Variants in AGAP1 observed in about 807,000 individuals in gnomAD.
The protein encoded by AGAP1 is ArfGAP with GTPase domain, ankyrin repeat and PH domain 1, also known as arf-GAP with GTPase, ANK repeat and PH domain-containing protein 1.
AGAP1 carries 29 observed loss-of-function variants against 105.3 expected under a neutral mutation model. The observed-to-expected ratio is 0.28, with a 90% CI of 0.21 to 0.38. AGAP1 has a LOEUF of 0.38. Among genes scored for constraint, AGAP1 ranks in the 10% least tolerant of loss-of-function variants. AGAP1 has a pLI of 1.00. For missense variants in AGAP1, 998 were observed against 1,165.1 expected, an observed-to-expected ratio of 0.86 and a Z score of 2.09; for synonymous variants, 509 against 485.9, an observed-to-expected ratio of 1.05 and a Z score of -0.63.
chr2:235,538,066 A>G (rs1238662469), intron 1 of AGAP1, among the ~76,000 whole-genome samples: 1 of 152,232 alleles, frequency 6.6e-6, no homozygotes, highest in Non-Finnish European at 1.5e-5. Context: ...ATAAAAGCCA[A>G]ATCTCAGCTT....
chr2:236,099,632 G>A (rs972865390), intron 16 of AGAP1, among the ~76,000 whole-genome samples: 2 of 152,026 alleles, frequency 1.3e-5, no homozygotes, highest in African/African-American at 4.8e-5. Context: ...CTCACTATAT[G>A]GTTTTTTATT....
In AGAP1 at chr2:235,931,394, G is replaced by A. The variant is rs1040504594; in HGVS notation, c.1483+471G>A. Among the ~76,000 whole-genome samples the A allele has an allele frequency of 5.9e-5, 9 of 152,094 alleles. No homozygotes were observed. Among genetic ancestry groups the A allele is most frequent in the Non-Finnish European group, 1.0e-4 (7 of 68,020 alleles). Reference sequence around the variant, plus strand: ...TTCCTGGTGTACCCTCTAAATTCTGGAGTCCCCTTTGTAATCCTTCAGTTT... The same window carrying A: ...TTCCTGGTGTACCCTCTAAATTCTGAAGTCCCCTTTGTAATCCTTCAGTTT... On this transcript the variant is annotated intron_variant, in intron 12 of 17. Coordinates refer to ENST00000304032, the MANE Select transcript of AGAP1 (RefSeq NM_001037131.3). The surrounding 1 kb of genome is among the most constrained non-coding windows in gnomAD (Gnocchi z 5.6).
At chr2:236,006,413 G>T (rs981946610) in intron 13 of AGAP1, among the ~76,000 whole-genome samples, 7 of 152,254 alleles carry the variant, frequency 4.6e-5, no homozygotes, top group African/African-American at 1.7e-4. Context: ...GCCATTTCTT[G>T]GTTCTCTTGG....
At chr2:235,671,564 C>T (rs1177020951) in intron 1 of AGAP1, among the ~76,000 whole-genome samples, 1 of 152,180 alleles carries the variant, frequency 6.6e-6, no homozygotes, top group African/African-American at 2.4e-5. Flanking sequence ...CAGCTGACTC[C>T]GTGGCCCTCG....
At chr2:235,909,609 A>G (rs191403415) in intron 11 of AGAP1, among the ~76,000 whole-genome samples, 9 of 152,300 alleles carry the variant, frequency 5.9e-5, no homozygotes, top group African/African-American at 2.2e-4. Context: ...GAGCCCTCCC[A>G]TAAACACACA....
At position 235,970,134 on chromosome 2, in the gene AGAP1, G is replaced by A. The variant is rs1369278460; in HGVS notation, c.1645+1511G>A. ...GGAGCATTGATTGAACCCAGGAGGT[G>A]GAGGTTGCAGTGAACCGAGACCATG... On this transcript the variant is annotated intron_variant, in intron 13 of 17. Coordinates refer to ENST00000304032, the MANE Select transcript of AGAP1 (RefSeq NM_001037131.3). This position sits in a 1 kb window ranked among gnomAD's most constrained non-coding sequence, Gnocchi z 5.4. Among the ~76,000 whole-genome samples, 2 of 151,356 alleles carry A rather than the reference G, an allele frequency of 1.3e-5. No individual in the cohort carries two copies. The highest frequency in any genetic ancestry group is 4.9e-5 in the African/African-American group (2 of 41,108).
Position 235,621,872 on chromosome 2 carries a change from G to A in AGAP1, c.164-87307G>A, listed in dbSNP as rs905870832. The stretch of plus-strand genomic sequence containing the variant: ...CTGCAGTTGGGTAGGAGTGGAGGAG[G>A]GGTGCGATCGGAAGGGAGTGCCGCG... On this transcript the variant is annotated intron_variant, in intron 1 of 17. Transcript: ENST00000304032. The surrounding 1 kb of genome is among the most constrained non-coding windows in gnomAD (Gnocchi z 4.1). Among the ~76,000 whole-genome samples, 5 of 151,092 alleles carry A rather than the reference G, an allele frequency of 3.3e-5. No homozygotes were observed. The highest frequency in any genetic ancestry group is 2.0e-4 in the East Asian group (1 of 5,026).
intron 9 of AGAP1, among the ~76,000 whole-genome samples, chr2:235,846,495 T>C (rs1961508637): frequency 9.7e-6 from 1 of 103,376 alleles, no homozygotes; most frequent in Non-Finnish European, 2.2e-5. Context: ...CCTGGCTAAT[T>C]TTTGGTTTTT....
At chr2:235,800,250 C>G (rs1292766346) in intron 8 of AGAP1, among the ~76,000 whole-genome samples, 1 of 151,750 alleles carries the variant, frequency 6.6e-6, no homozygotes. Context: ...AGGCACTCAC[C>G]ACTACGTGTG....
rs868582130 is a variant in AGAP1, at chr2:235,869,484, C to G, written c.1051-13861C>G. 3.4e-5 allele frequency among the ~76,000 whole-genome samples: 5 copies of G among 148,558 alleles called. No individual in the cohort carries two copies. The Middle Eastern group carries it at 0.015, about 434-fold the overall frequency. On this transcript the variant is annotated intron_variant, in intron 9 of 17. Coordinates refer to ENST00000304032, the MANE Select transcript of AGAP1 (RefSeq NM_001037131.3). ...GGCGTGACGGCAGGTGCCTGTAATC[C>G]CAGCTACTCAGGAGGCTGAGGCAGG...
At chr2:235,932,065 C>T (rs1411921465) in intron 12 of AGAP1, among the ~76,000 whole-genome samples, 1 of 152,210 alleles carries the variant, frequency 6.6e-6, no homozygotes, top group Non-Finnish European at 1.5e-5. Flanking sequence ...TCTGGAATCA[C>T]GATGATAACC....
At chr2:235,795,439 C>T (rs116917503) in intron 6 of AGAP1, among the ~76,000 whole-genome samples, 2 of 152,178 alleles carry the variant, frequency 1.3e-5, no homozygotes, top group South Asian at 4.1e-4. Flanking sequence ...ACAAAGGAGT[C>T]CTTTCCCCTT....
rs1420807536 is a variant in AGAP1 at position 236,128,491 on chromosome 2, C to T, written c.*4369C>T. On this transcript the variant is annotated 3_prime_UTR_variant, in exon 18 of 18. Transcript: ENST00000304032. This position sits in a 1 kb window ranked among gnomAD's most constrained non-coding sequence, Gnocchi z 5.9. ...GAGCTTGCTGGAGAGCACCCCAGGT[C>T]GCCGTGCTTGGCTGCAGGCCCGTCC... The T allele has an allele frequency of 2.6e-5, 4 of 152,344 alleles. No individual in the cohort carries two copies. The highest frequency in any genetic ancestry group is 5.9e-5 in the Non-Finnish European group (4 of 68,146). 9.4% of individuals were successfully genotyped at this position (152,344 alleles called of 1,614,324 possible). A position where few individuals can be genotyped will look rare whatever the true frequency, so the allele number is the denominator to read the frequency against.
chr2:236,090,153 C>G lies in AGAP1; in HGVS notation c.2115-30039C>G, dbSNP rs992361807. Among the ~76,000 whole-genome samples, 11 of 152,334 alleles carry G rather than the reference C, an allele frequency of 7.2e-5. No homozygotes were observed. Among genetic ancestry groups the G allele is most frequent in the East Asian group, 5.8e-4 (3 of 5,174 alleles). ...AGAGACCGGCCGTGTCCTCACCCCT[C>G]TGTCACCATTGTGGGCTCCAGCTGC... On this transcript the variant is annotated intron_variant, in intron 16 of 17. Transcript: ENST00000304032. The surrounding 1 kb of genome is among the most constrained non-coding windows in gnomAD (Gnocchi z 4.3).
rs188350378 is a variant in AGAP1, at chr2:236,111,174, T to C, written c.2115-9018T>C. Reference sequence around the variant, plus strand: ...ACAGCAGTGATAAAAGAGCAGACTTTGTTGATAAATCCGTGCAGGGAAGGC... The same window carrying C: ...ACAGCAGTGATAAAAGAGCAGACTTCGTTGATAAATCCGTGCAGGGAAGGC... On this transcript the variant is annotated intron_variant, in intron 16 of 17. Coordinates refer to ENST00000304032, the MANE Select transcript of AGAP1 (RefSeq NM_001037131.3). Among the ~76,000 whole-genome samples the C allele has an allele frequency of 1.5e-3, 221 of 152,256 alleles. 2 individuals are homozygous for C. Among genetic ancestry groups the C allele is most frequent in the African/African-American group, 5.2e-3 (215 of 41,570 alleles).
chr2:235,780,387 C>T (rs1575440290), intron 6 of AGAP1, among the ~76,000 whole-genome samples: 1 of 152,030 alleles, frequency 6.6e-6, no homozygotes, highest in East Asian at 1.9e-4. Flanking sequence ...AGGTCATTAC[C>T]AGTTTTAAGC....
At chr2:235,687,847 AT>A (rs778963144) in intron 1 of AGAP1, among the ~76,000 whole-genome samples, 5,831 of 106,852 alleles carry the variant, frequency 0.055, 192 homozygotes, top group Non-Finnish European at 0.086. Flanking sequence ...GTGTTCCTGG[AT>A]TTTTTTTTTC....
intron 13 of AGAP1, among the ~76,000 whole-genome samples, chr2:235,974,948 AC>A (rs1489900827): frequency 6.6e-6 from 1 of 152,246 alleles, no homozygotes; most frequent in Non-Finnish European, 1.5e-5. Context: ...AGAAACTGTA[AC>A]GAGGATGTCA....
At chr2:236,022,233 A>T (rs2056909079) in intron 13 of AGAP1, among the ~76,000 whole-genome samples, 1 of 152,146 alleles carries the variant, frequency 6.6e-6, no homozygotes, top group South Asian at 2.1e-4. Flanking sequence ...GGTAATATTT[A>T]GTAGTTAAAC....
Sources: allele counts gnomAD v4.1 joint callset (sites outside exome capture counted in the v4.1 genomes callset), GRCh38; gene constraint gnomAD v4.1.1; non-coding constraint Gnocchi (gnomAD v3.1); transcripts MANE v1.5; gene names NCBI Gene and HGNC (gene_info 2026-07-23, HGNC 2026-07-21).